Variants in DOCK9 observed in about 807,000 individuals in gnomAD.
DOCK9 encodes dedicator of cytokinesis 9, also known as dedicator of cytokinesis protein 9.
Under a neutral mutation model 263.3 loss-of-function variants are expected in DOCK9, and 89 were observed. The observed-to-expected ratio is 0.34, with a 90% CI of 0.28 to 0.40. DOCK9 has a LOEUF of 0.40. Among genes scored for constraint, DOCK9 ranks in the 10% least tolerant of loss-of-function variants. The pLI is 1.00. For synonymous variants in DOCK9, 976 were observed against 973.1 expected (o/e 1.00, Z -0.06); for missense variants, 2,140 against 2,603.4 (o/e 0.82, Z 3.87).
At chr13:99,021,283 T>C (rs941776586) in intron 1 of DOCK9, among the ~76,000 whole-genome samples, 1 of 152,170 alleles carries the variant, frequency 6.6e-6, no homozygotes, top group African/African-American at 2.4e-5. Flanking sequence ...AAAATTCAAA[T>C]ACATGAGAAT....
intron 34 of DOCK9, chr13:98,854,463 A>G (rs1294855990): frequency 1.3e-5 from 2 of 152,006 alleles, no homozygotes; most frequent in African/African-American, 4.8e-5. Flanking sequence ...AAATATGTGA[A>G]TATTTTCATT....
At chr13:99,014,437 T>G (rs1315761850) in intron 1 of DOCK9, among the ~76,000 whole-genome samples, 1 of 152,240 alleles carries the variant, frequency 6.6e-6, no homozygotes, top group Non-Finnish European at 1.5e-5. Flanking sequence ...GATGCTCTCC[T>G]TTCTTCCTCC....
intron 2 of DOCK9, among the ~76,000 whole-genome samples, chr13:98,937,063 T>C (rs2054971477): frequency 6.6e-6 from 1 of 152,244 alleles, no homozygotes; most frequent in Non-Finnish European, 1.5e-5. Flanking sequence ...AAGATAGGTC[T>C]ATATCCACTT....
At chr13:98,991,771 A>G (rs1392871672) in intron 1 of DOCK9, among the ~76,000 whole-genome samples, 1 of 151,982 alleles carries the variant, frequency 6.6e-6, no homozygotes, top group East Asian at 1.9e-4. Context: ...CTTCCTAGGC[A>G]GTCGACTTTC....
At position 99,077,001 on chromosome 13, in the gene DOCK9, G is replaced by A. The variant is rs149671359; in HGVS notation, c.129+9222C>T. On this transcript the variant is annotated intron_variant, in intron 1 of 32. Coordinates refer to the DOCK9 transcript ENST00000427887. ...CCTGGCAACTGAGAGGGGTGGCCAG[G>A]GGTCATGATTATTCCAGGCAGAAGT... Among the ~76,000 whole-genome samples, 643 of 152,246 alleles carry A rather than the reference G, an allele frequency of 4.2e-3. 3 individuals carry two copies. The highest frequency in any genetic ancestry group is 0.014 in the African/African-American group (602 of 41,518).
At chr13:98,845,870 CTGAGATGGCACA>C in intron 38 of DOCK9, 42 bp downstream of exon 38, 1 of 1,597,340 alleles carries the variant, frequency 6.3e-7, no homozygotes, top group Non-Finnish European at 8.5e-7. Context: ...GCTCTCCCCT[CTGAGATGGCACA>C]TGAGATGGCT....
chr13:98,829,871 T>A lies in DOCK9; in HGVS notation c.4636-115A>T. The A allele has an allele frequency of 1.2e-6, 1 of 817,862 alleles. No individual in the cohort carries two copies. Among genetic ancestry groups the A allele is most frequent in the Non-Finnish European group, 2.0e-6 (1 of 494,214 alleles). The allele number at this position is 817,862 out of a possible 1,614,324, so 50.7% of individuals were successfully genotyped here. On this transcript the variant is annotated intron_variant, in intron 41 of 52. Transcript: ENST00000682017. This position sits in a 1 kb window ranked among gnomAD's most constrained non-coding sequence, Gnocchi z 4.1. ...ACCCAGCAAAGTGGGGGTTGGGGGG[T>A]GCTTTGAGCAGGGGTCGCTCCGTGT...
At chr13:98,962,575 A>T (rs2058751064) in intron 1 of DOCK9, among the ~76,000 whole-genome samples, 1 of 152,066 alleles carries the variant, frequency 6.6e-6, no homozygotes, top group East Asian at 1.9e-4. Flanking sequence ...CAAACTGTAA[A>T]CACATATTAT....
At chr13:98,795,138 C>G (rs908286344) in intron 52 of DOCK9, among the ~76,000 whole-genome samples, 4 of 152,194 alleles carry the variant, frequency 2.6e-5, no homozygotes, top group Admixed American at 2.6e-4. Context: ...TCTACGCTCA[C>G]CAGATCATAA....
Position 98,805,155 on chromosome 13 carries a change from T to A in DOCK9, c.5569A>T (p.Ile1857Phe), listed in dbSNP as rs368317019. ...AACTCTTTTTCGTCAAAGAAGGGGATGACGTGAGTCACCTGGATGTATGCA... is the reference window on the plus strand; with the variant it reads ...AACTCTTTTTCGTCAAAGAAGGGGAAGACGTGAGTCACCTGGATGTATGCA... Reference protein sequence around the residue: ...KYAYIQVTHVIPFFDEKELQE... With the variant: ...KYAYIQVTHVFPFFDEKELQE... The change falls in exon 49 of 53, where the codon ATC becomes TTC. Residue 1857 changes from isoleucine (I) to phenylalanine (F), a missense_variant. Ile to Phe is a conservative substitution (Grantham distance 21). Around this residue, in one of 2 missense-constraint regions of DOCK9, gnomAD observed 619 missense variants for 861.8 expected, o/e 0.72. Transcript: ENST00000682017. 5.6e-6 allele frequency: 9 copies of A among 1,608,430 alleles called. No homozygotes were observed. The highest frequency in any genetic ancestry group is 1.7e-5 in the Admixed American group (1 of 59,412).
chr13:99,086,077 C>A (rs1332937377), intron 1 of DOCK9: 26 of 1,258,960 alleles, frequency 2.1e-5, no homozygotes, highest in Non-Finnish European at 2.7e-5. Flanking sequence ...CAACTCCCTC[C>A]CGCCGGCCCC....
chr13:98,813,564 C>A (rs549057775), intron 45 of DOCK9, among the ~76,000 whole-genome samples: 3 of 152,106 alleles, frequency 2.0e-5, no homozygotes, highest in Non-Finnish European at 2.9e-5. Context: ...CCAGAATAAA[C>A]CCTACGTGGT....
intron 1 of DOCK9, among the ~76,000 whole-genome samples, chr13:98,964,080 T>G (rs1285825802): frequency 1.3e-5 from 2 of 152,226 alleles, no homozygotes; most frequent in Non-Finnish European, 1.5e-5. Flanking sequence ...CTGGTTCACA[T>G]GCACTGTGCC....
At chr13:98,860,577 CCT>C in intron 32 of DOCK9, 55 bp from the exon 33 acceptor site, 5 of 1,493,528 alleles carry the variant, frequency 3.3e-6, no homozygotes, top group South Asian at 2.6e-5. Flanking sequence ...GGATTCCTCC[CCT>C]GTTCTTGGAA....
chr13:98,866,165 T>C (rs1223599278), intron 30 of DOCK9, among the ~76,000 whole-genome samples: 1 of 152,204 alleles, frequency 6.6e-6, no homozygotes, highest in Non-Finnish European at 1.5e-5. Flanking sequence ...CTTGCTTTGT[T>C]TGTTCTCCTT....
chr13:98,983,617 A>ATT lies in DOCK9; in HGVS notation c.130-28068_130-28067dup, dbSNP rs201942759. ...TCTCATGCCCTCCTCAATTATTATT[A>ATT]TTATTATTTTTTTTTTTGAGATGGA... On this transcript the variant is annotated intron_variant, in intron 1 of 32. Transcript: ENST00000427887. 5.1e-4 allele frequency among the ~76,000 whole-genome samples: 73 copies of ATT among 143,888 alleles called. 1 individual carries two copies. The highest frequency in any genetic ancestry group is 3.5e-3 in the Middle Eastern group (1 of 282). The allele number at this position is 143,888 out of a possible 152,430, so 94.4% of individuals were successfully genotyped here.
chr13:98,836,586 C>T (rs2093008066), intron 39 of DOCK9, among the ~76,000 whole-genome samples: 1 of 152,086 alleles, frequency 6.6e-6, no homozygotes, highest in African/African-American at 2.4e-5. Flanking sequence ...TAATGAGGCG[C>T]TTCTACCCCG....
chr13:99,088,475 G>A (rs1468257030), upstream of DOCK9: 1 of 152,196 alleles, frequency 6.6e-6, no homozygotes, highest in Admixed American at 6.5e-5. Context: ...AGAATCATGA[G>A]TTAGAGCCTC....
rs80179015 is a variant in DOCK9 at position 98,968,894 on chromosome 13, T to G, written c.126+8890A>C. ...AATAGGCCCCTCCTTTCTGAACTCT[T>G]TCTCCCTGGAAGAGCCATCTTCTCT... On this transcript the variant is annotated intron_variant, in intron 1 of 52. Coordinates refer to ENST00000682017, the MANE Select transcript of DOCK9 (RefSeq NM_001366683.2). Among the ~76,000 whole-genome samples, 1,145 of 152,318 alleles carry G rather than the reference T, an allele frequency of 7.5e-3. 14 individuals carry two copies. Among genetic ancestry groups the G allele is most frequent in the African/African-American group, 0.026 (1,072 of 41,564 alleles).
Sources: allele counts gnomAD v4.1 joint callset (sites outside exome capture counted in the v4.1 genomes callset), GRCh38; gene constraint gnomAD v4.1.1; regional missense constraint gnomAD v4.1.1; non-coding constraint Gnocchi (gnomAD v3.1); transcripts MANE v1.5; gene names NCBI Gene and HGNC (gene_info 2026-07-23, HGNC 2026-07-21).